IL1RAPL2: variants seen among roughly 807,000 people sequenced by gnomAD.
The protein encoded by IL1RAPL2 is X-linked interleukin-1 receptor accessory protein-like 2.
A neutral mutation model predicts 44.1 loss-of-function variants in IL1RAPL2; 3 were observed. The observed-to-expected ratio is 0.07, with a 90% confidence interval of 0.03 to 0.18. IL1RAPL2 has a LOEUF of 0.18. Among genes scored for constraint, IL1RAPL2 ranks in the 10% least tolerant of loss-of-function variants. The pLI is 1.00. For synonymous variants in IL1RAPL2, 181 were observed against 178.8 expected, an observed-to-expected ratio of 1.01 and a Z score of -0.10; for missense variants, 391 against 496.4, an observed-to-expected ratio of 0.79 and a Z score of 2.02.
At chrX:104,970,060 C>A (rs2030202756) in intron 2 of IL1RAPL2, among the ~76,000 whole-genome samples, 1 of 110,532 alleles carries the variant, frequency 9.0e-6, no homozygotes, top group African/African-American at 3.3e-5. Context: ...TGAGCAATTC[C>A]ACTACTAGGT....
intron 2 of IL1RAPL2, among the ~76,000 whole-genome samples, chrX:104,734,359 G>T (rs1931976321): frequency 8.9e-6 from 1 of 112,512 alleles, no homozygotes; most frequent in Admixed American, 9.4e-5. Context: ...GTGTATAGAA[G>T]CTTTGTTTCT....
intron 2 of IL1RAPL2, among the ~76,000 whole-genome samples, chrX:104,755,467 C>A (rs996610153): frequency 1.5e-4 from 17 of 110,027 alleles, no homozygotes; most frequent in Admixed American, 5.8e-4. Context: ...ACCAAATCCA[C>A]GAGTCCTGAG....
chrX:104,591,369 C>T (rs192167269), intron 1 of IL1RAPL2, among the ~76,000 whole-genome samples: 135 of 111,648 alleles, frequency 1.2e-3, no homozygotes, highest in Non-Finnish European at 1.3e-3. Flanking sequence ...GATTTCCATG[C>T]CCCGCTAGCA....
At chrX:105,608,857 G>A (rs2147825773) in intron 6 of IL1RAPL2, among the ~76,000 whole-genome samples, 1 of 111,436 alleles carries the variant, frequency 9.0e-6, no homozygotes, top group East Asian at 2.8e-4. Context: ...TTTTTTCTTG[G>A]TTTGTCTATG....
chrX:105,740,718 G>A, intron 8 of IL1RAPL2, 27 bp downstream of exon 8: 1 of 1,164,634 alleles, frequency 8.6e-7, no homozygotes. Flanking sequence ...CTATAACTAT[G>A]GTTTGCTTAG....
chrX:104,891,181 A>G (rs1923426576), intron 2 of IL1RAPL2, among the ~76,000 whole-genome samples: 2 of 111,884 alleles, frequency 1.8e-5, no homozygotes, highest in South Asian at 7.5e-4. Flanking sequence ...TACCAGTACC[A>G]TGCTGTTTTG....
At chrX:104,892,397 A>G (rs1923485807) in intron 2 of IL1RAPL2, among the ~76,000 whole-genome samples, 1 of 111,898 alleles carries the variant, frequency 8.9e-6, no homozygotes, top group African/African-American at 3.3e-5. Flanking sequence ...TACCTCTAGT[A>G]GAATTCGGCT....
intron 3 of IL1RAPL2, among the ~76,000 whole-genome samples, chrX:105,196,681 G>GT (rs1304696956): frequency 9.0e-6 from 1 of 111,165 alleles, no homozygotes; most frequent in Non-Finnish European, 1.9e-5. Flanking sequence ...AAAGCAATAT[G>GT]TTTTTTCCCT....
At chrX:105,145,725 A>G (rs1224935076) in intron 2 of IL1RAPL2, among the ~76,000 whole-genome samples, 2 of 111,171 alleles carry the variant, frequency 1.8e-5, no homozygotes, top group East Asian at 2.8e-4. Context: ...TCCAGCCTGC[A>G]CTAATGTCAG....
intron 2 of IL1RAPL2, among the ~76,000 whole-genome samples, chrX:104,674,574 T>C (rs1393040046): frequency 2.7e-5 from 3 of 111,527 alleles, no homozygotes; most frequent in Non-Finnish European, 5.6e-5. Flanking sequence ...TTATTGTGTC[T>C]CTGCCTGGCT....
chrX:104,818,176 C>G (rs769467702), intron 2 of IL1RAPL2, among the ~76,000 whole-genome samples: 1 of 108,155 alleles, frequency 9.2e-6, no homozygotes, highest in Non-Finnish European at 1.9e-5. Flanking sequence ...AACCCCGTCT[C>G]TACTAAAAAT....
chrX:105,388,726 G>A lies in IL1RAPL2; in HGVS notation c.698-95587G>A, dbSNP rs893369314. ...CCCCATTAATTAGGACAAATCCTGC[G>A]TTTTCTTATGTCTAGATTTATCAGG... On this transcript the variant is annotated intron_variant, in intron 5 of 10. Transcript: ENST00000372582. Among the ~76,000 whole-genome samples the A allele has an allele frequency of 4.5e-5, 5 of 110,853 alleles. No individual in the cohort carries two copies. In the East Asian group the frequency reaches 8.6e-4, roughly 19 times the overall value.
chrX:104,888,538 C>A (rs773893497), intron 2 of IL1RAPL2, among the ~76,000 whole-genome samples: 77 of 111,381 alleles, frequency 6.9e-4, no homozygotes, highest in Non-Finnish European at 1.3e-3. Context: ...CTTTGCCTAT[C>A]TATCCTTCCT....
chrX:105,411,822 G>T (rs1254758852), intron 5 of IL1RAPL2, among the ~76,000 whole-genome samples: 4 of 111,819 alleles, frequency 3.6e-5, no homozygotes, highest in African/African-American at 1.3e-4. Flanking sequence ...AACATTTACA[G>T]AACATTCCAA....
intron 3 of IL1RAPL2, among the ~76,000 whole-genome samples, chrX:105,201,233 T>C (rs1268243827): frequency 8.9e-6 from 1 of 111,978 alleles, no homozygotes; most frequent in Non-Finnish European, 1.9e-5. Context: ...CAAATGTGAA[T>C]AATCAATTCA....
intron 2 of IL1RAPL2, among the ~76,000 whole-genome samples, chrX:105,015,659 T>C (rs2031158773): frequency 9.0e-6 from 1 of 111,655 alleles, no homozygotes; most frequent in African/African-American, 3.3e-5. Context: ...CTCTGTTCTG[T>C]TCCATTTGTC....
Position 104,566,246 on chromosome X carries a change from G to A in IL1RAPL2, c.-825G>A, listed in dbSNP as rs902268417. On this transcript the variant is annotated 5_prime_UTR_variant, in exon 1 of 11. Transcript: ENST00000372582. The stretch of plus-strand genomic sequence containing the variant: ...TGTTAGCGACAAAAACGCAGCTCTC[G>A]GTCACTCCCACTACCCTCCCACCCG... 8.0e-5 allele frequency: 9 copies of A among 112,119 alleles called. No individual in the cohort carries two copies. Among genetic ancestry groups the A allele is most frequent in the African/African-American group, 2.3e-4 (7 of 30,898 alleles). The allele number at this position is 112,119 out of a possible 1,213,427, so 9.2% of individuals were successfully genotyped here.
intron 4 of IL1RAPL2, among the ~76,000 whole-genome samples, chrX:105,248,439 T>G (rs762082188): frequency 8.9e-6 from 1 of 111,766 alleles, no homozygotes; most frequent in Non-Finnish European, 1.9e-5. Flanking sequence ...ATTCAACAGC[T>G]TTTGTTTTTG....
intron 6 of IL1RAPL2, among the ~76,000 whole-genome samples, chrX:105,489,228 T>C (rs2036291777): frequency 9.0e-6 from 1 of 111,667 alleles, no homozygotes; most frequent in Admixed American, 9.5e-5. Flanking sequence ...TATCCTTTAT[T>C]TTTTCTCTCT....
Sources: allele counts gnomAD v4.1 joint callset (sites outside exome capture counted in the v4.1 genomes callset), GRCh38; gene constraint gnomAD v4.1.1; transcripts MANE v1.5; gene names NCBI Gene and HGNC (gene_info 2026-07-23, HGNC 2026-07-21).